PLG: variants seen among roughly 807,000 people sequenced by gnomAD.
PLG encodes the protein plasmin.
A neutral mutation model predicts 104.4 loss-of-function variants in PLG; 41 were observed. That is an observed-to-expected ratio of 0.39 (90% CI 0.31 to 0.51). The LOEUF (loss-of-function observed/expected upper bound fraction) is 0.51. Ranked by LOEUF, PLG falls within the 20% of genes least tolerant of loss-of-function variation. The probability of loss-of-function intolerance (pLI) is 0.76; values close to 1 mark genes in which losing one functional copy is unlikely to be tolerated. For missense variants in PLG, 891 were observed against 1,003.6 expected, an observed-to-expected ratio of 0.89 and a Z score of 1.52; for synonymous variants, 337 against 357.1, an observed-to-expected ratio of 0.94 and a Z score of 0.63.
In PLG at chr6:160,708,049, C is replaced by T. The variant is rs567412608; in HGVS notation, c.292+243C>T. 8.0e-4 allele frequency: 353 copies of T among 443,530 alleles called. 1 individual carries two copies. The Middle Eastern group carries it at 0.018, about 23-fold the overall frequency. The allele number at this position is 443,530 out of a possible 1,614,324, so 27.5% of individuals were successfully genotyped here. On this transcript the variant is annotated intron_variant, in intron 3 of 18. Transcript: ENST00000308192. ...TGAAAGGATTAGATTTACAAAATCA[C>T]TTCTACCTCTATGACCCTGAAAATA...
In PLG at chr6:160,706,951, T is replaced by TAAAAA. The variant is rs370504830; in HGVS notation, c.185+419_185+423dup. Among the ~76,000 whole-genome samples the TAAAAA allele has an allele frequency of 3.7e-3, 526 of 142,380 alleles. 10 individuals are homozygous for TAAAAA. Among genetic ancestry groups the TAAAAA allele is most frequent in the African/African-American group, 0.013 (502 of 38,860 alleles). The allele number at this position is 142,380 out of a possible 152,430, so 93.4% of individuals were successfully genotyped here. ...TAGTCAAAGAAACTGGATATAATGT[T>TAAAAA]AAAAAAAAAAAAAAGACAGCCCAAG... On this transcript the variant is annotated intron_variant, in intron 2 of 18. Coordinates refer to ENST00000308192, the MANE Select transcript of PLG (RefSeq NM_000301.5).
chr6:160,743,317 G>C (rs148694272), intron 17 of PLG, among the ~76,000 whole-genome samples: 31 of 152,110 alleles, frequency 2.0e-4, no homozygotes, highest in Non-Finnish European at 3.8e-4. Context: ...CCATTCATTT[G>C]TGTCATCTCT....
At position 160,734,917 on chromosome 6, in the gene PLG, G is replaced by A. The variant is rs1183652823; in HGVS notation, c.1681+829G>A. On this transcript the variant is annotated intron_variant, in intron 13 of 18. Transcript: ENST00000308192. This position sits in a 1 kb window ranked among gnomAD's most constrained non-coding sequence, Gnocchi z 4.4. Reference sequence around the variant, plus strand: ...GTGGAGGGACCTTGAGCTGGGGGAAGGAGCTTGGCCTCCAAGTCCACTGAA... The same window carrying A: ...GTGGAGGGACCTTGAGCTGGGGGAAAGAGCTTGGCCTCCAAGTCCACTGAA... 6.6e-6 allele frequency among the ~76,000 whole-genome samples: 1 copy of A among 151,920 alleles called. No individual in the cohort carries two copies. Among genetic ancestry groups the A allele is most frequent in the Non-Finnish European group, 1.5e-5 (1 of 67,922 alleles).
At chr6:160,730,428 T>C (rs1052225400) in intron 10 of PLG, among the ~76,000 whole-genome samples, 4 of 152,222 alleles carry the variant, frequency 2.6e-5, no homozygotes, top group Non-Finnish European at 4.4e-5. Flanking sequence ...TTGATACGTC[T>C]TGCAGAAACA....
rs1002421241 is a variant in PLG at position 160,725,524 on chromosome 6, A to C, written c.1256+2957A>C. ...CCATTTATCCAAAAGAAGGAAAGAAAGGAAGAAAAAAGAATGAAGAAGATA... is the reference window on the plus strand; with the variant it reads ...CCATTTATCCAAAAGAAGGAAAGAACGGAAGAAAAAAGAATGAAGAAGATA... On this transcript the variant is annotated intron_variant, in intron 10 of 18. Transcript: ENST00000308192. This position sits in a 1 kb window ranked among gnomAD's most constrained non-coding sequence, Gnocchi z 6.3. Among the ~76,000 whole-genome samples the C allele has an allele frequency of 4.6e-5, 7 of 152,150 alleles. No homozygotes were observed. The highest frequency in any genetic ancestry group is 8.8e-5 in the Non-Finnish European group (6 of 68,010).
At chr6:160,728,726 C>T (rs893106195) in intron 10 of PLG, among the ~76,000 whole-genome samples, 2 of 152,080 alleles carry the variant, frequency 1.3e-5, no homozygotes, top group Admixed American at 1.3e-4. Flanking sequence ...ATTTTGACTT[C>T]TACTTTCCAT....
At chr6:160,750,985 C>G (rs542158389) in intron 17 of PLG, among the ~76,000 whole-genome samples, 6,862 of 152,202 alleles carry the variant, frequency 0.045, 364 homozygotes, top group African/African-American at 0.12. Context: ...AGAATGTTCA[C>G]TCTCCCTAAT....
chr6:160,752,051 C>T lies in PLG; in HGVS notation c.2126-64C>T. 1.4e-6 allele frequency: 2 copies of T among 1,467,004 alleles called. No homozygotes were observed. The highest frequency in any genetic ancestry group is 1.9e-6 in the Non-Finnish European group (2 of 1,049,646). The allele number at this position is 1,467,004 out of a possible 1,614,324, so 90.9% of individuals were successfully genotyped here. A position where few individuals can be genotyped will look rare whatever the true frequency, so the allele number is the denominator to read the frequency against. ...GGAGGTCCAGTGCCGCTGCTCTGTTCTGGAATATCCTCCTGAATGTGTTTT... is the reference window on the plus strand; with the variant it reads ...GGAGGTCCAGTGCCGCTGCTCTGTTTTGGAATATCCTCCTGAATGTGTTTT... On this transcript the variant is annotated intron_variant, in intron 17 of 18. Transcript: ENST00000308192. This position sits in a 1 kb window ranked among gnomAD's most constrained non-coding sequence, Gnocchi z 4.7.
At position 160,723,907 on chromosome 6, in the gene PLG, T is replaced by A. The variant is rs946939132; in HGVS notation, c.1256+1340T>A. Among the ~76,000 whole-genome samples, 2 of 152,122 alleles carry A rather than the reference T, an allele frequency of 1.3e-5. No homozygotes were observed. Among genetic ancestry groups the A allele is most frequent in the Non-Finnish European group, 2.9e-5 (2 of 68,034 alleles). ...TGGGAGTAGGATTAGTGTATTCCTATAATAAAGGCCACTCCAGAAACAGCA... is the reference window on the plus strand; with the variant it reads ...TGGGAGTAGGATTAGTGTATTCCTAAAATAAAGGCCACTCCAGAAACAGCA... On this transcript the variant is annotated intron_variant, in intron 10 of 18. Transcript: ENST00000308192. This position sits in a 1 kb window ranked among gnomAD's most constrained non-coding sequence, Gnocchi z 4.7.
intron 7 of PLG, 89 bp downstream of exon 7, chr6:160,716,852 C>G: frequency 3.6e-6 from 3 of 841,362 alleles, no homozygotes; most frequent in Non-Finnish European, 6.3e-6. Context: ...CTGAGTGCAG[C>G]CTCTGAAAAG....
At chr6:160,745,986 G>A (rs934489154) in intron 17 of PLG, among the ~76,000 whole-genome samples, 2 of 152,204 alleles carry the variant, frequency 1.3e-5, no homozygotes, top group Non-Finnish European at 2.9e-5. Context: ...GGGTTCAGTT[G>A]AGAGGTATGC....
chr6:160,737,360 A>G lies in PLG; in HGVS notation c.1802+353A>G, dbSNP rs773257888. Among the ~76,000 whole-genome samples the G allele has an allele frequency of 1.3e-5, 2 of 152,172 alleles. No homozygotes were observed. The highest frequency in any genetic ancestry group is 2.4e-5 in the African/African-American group (1 of 41,434). Reference sequence around the variant, plus strand: ...TCATTGTCAGATGAAAAGAGGGGGAAGTTTTTAGAAATGTGACACTTTCTG... The same window carrying G: ...TCATTGTCAGATGAAAAGAGGGGGAGGTTTTTAGAAATGTGACACTTTCTG... On this transcript the variant is annotated intron_variant, in intron 14 of 18. Transcript: ENST00000308192. The surrounding 1 kb of genome is among the most constrained non-coding windows in gnomAD (Gnocchi z 4.7).
intron 5 of PLG, among the ~76,000 whole-genome samples, chr6:160,714,247 A>T (rs1777693963): frequency 1.3e-5 from 2 of 152,238 alleles, no homozygotes; most frequent in Admixed American, 1.3e-4. Flanking sequence ...TCAACAACAT[A>T]AAAAGAGAAG....
rs1309406545 is a variant in PLG, at chr6:160,719,932, T to G, written c.1096+1094T>G. ...AAACTATTTTAAATATTTTCTTTAT[T>G]TATTTATTTTACCATTTCTGGTGCT... is the stretch of plus-strand genomic sequence containing the variant. On this transcript the variant is annotated intron_variant, in intron 9 of 18. Coordinates refer to ENST00000308192, the MANE Select transcript of PLG (RefSeq NM_000301.5). This position sits in a 1 kb window ranked among gnomAD's most constrained non-coding sequence, Gnocchi z 4.1. Among the ~76,000 whole-genome samples, 1 of 152,188 alleles carries G rather than the reference T, an allele frequency of 6.6e-6. No individual in the cohort carries two copies. Among genetic ancestry groups the G allele is most frequent in the Non-Finnish European group, 1.5e-5 (1 of 68,026 alleles).
rs1213321768 is a variant in PLG at position 160,719,039 on chromosome 6, A to C, written c.1096+201A>C. Among the ~76,000 whole-genome samples the C allele has an allele frequency of 6.6e-6, 1 of 152,168 alleles. No individual in the cohort carries two copies. The highest frequency in any genetic ancestry group is 1.9e-4 in the East Asian group (1 of 5,198). On this transcript the variant is annotated intron_variant, in intron 9 of 18. Coordinates refer to ENST00000308192, the MANE Select transcript of PLG (RefSeq NM_000301.5). The surrounding 1 kb of genome is among the most constrained non-coding windows in gnomAD (Gnocchi z 4.1). ...ATATAGCCATCTTGGTGAATGTTTCATGTGCTCTTGAAAAGAATGTGTCTT... is the reference window on the plus strand; with the variant it reads ...ATATAGCCATCTTGGTGAATGTTTCCTGTGCTCTTGAAAAGAATGTGTCTT...
chr6:160,745,498 T>C (rs1562382436), intron 17 of PLG, among the ~76,000 whole-genome samples: 1 of 152,234 alleles, frequency 6.6e-6, no homozygotes, highest in Non-Finnish European at 1.5e-5. Flanking sequence ...TTCCATTTGC[T>C]TGGTAGGTTC....
intron 4 of PLG, 136 bp downstream of exon 4, chr6:160,711,327 T>C: frequency 1.2e-6 from 1 of 834,152 alleles, no homozygotes; most frequent in Non-Finnish European, 1.9e-6. Context: ...TGGTGCAGTA[T>C]TTGCATATAA....
intron 10 of PLG, among the ~76,000 whole-genome samples, chr6:160,727,485 A>C (rs1582942344): frequency 6.6e-6 from 1 of 151,562 alleles, no homozygotes; most frequent in African/African-American, 2.4e-5. Context: ...AAAAAAGTAG[A>C]CAAGGATATT....
chr6:160,702,423 A>G, intron 1 of PLG, 70 bp downstream of exon 1: 6 of 1,365,206 alleles, frequency 4.4e-6, no homozygotes, highest in Non-Finnish European at 1.0e-6. Context: ...TACATATGCC[A>G]TGGCTTTATG....
Sources: gnomAD v4.1 joint callset for allele counts (sites outside exome capture counted in the v4.1 genomes callset) on GRCh38, gnomAD v4.1.1 for gene constraint, Gnocchi (gnomAD v3.1) non-coding constraint, MANE v1.5 for transcripts, NCBI Gene and HGNC (gene_info 2026-07-23, HGNC 2026-07-21) for gene names.